LRRFIP2: variants seen among roughly 807,000 people sequenced by gnomAD.
LRRFIP2 encodes the protein leucine-rich repeat flightless-interacting protein 2.
In LRRFIP2, 109 loss-of-function variants were observed where a neutral mutation model predicts 125.9. The observed-to-expected ratio is 0.87, with a 90% CI of 0.74 to 1.01. The LOEUF (loss-of-function observed/expected upper bound fraction) is 1.01, where lower values mean the gene tolerates loss of function less well. Among genes scored for constraint, LRRFIP2 ranks in the 50% least tolerant of loss-of-function variants. The pLI is 0.00. For synonymous variants in LRRFIP2, 291 were observed against 293.1 expected, an observed-to-expected ratio of 0.99 and a Z score of 0.07; for missense variants, 850 against 862.3, an observed-to-expected ratio of 0.99 and a Z score of 0.18.
At position 37,161,179 on chromosome 3, in the gene LRRFIP2, T is replaced by TA. The variant is rs60688555; in HGVS notation, c.-55-12142dup. ...GTCAACATGGTGAAACCCCATCTAC[T>TA]AAAAAAAAAAAAAAAAAAAAGCAAA... On this transcript the variant is annotated intron_variant, in intron 1 of 27. Coordinates refer to ENST00000336686, the MANE Select transcript of LRRFIP2 (RefSeq NM_006309.4). Among the ~76,000 whole-genome samples the TA allele has an allele frequency of 3.4e-3, 299 of 88,082 alleles. 1 individual carries two copies. Among genetic ancestry groups the TA allele is most frequent in the East Asian group, 7.7e-3 (19 of 2,462 alleles). 57.8% of individuals were successfully genotyped at this position (88,082 alleles called of 152,430 possible).
At chr3:37,170,616 T>C (rs911763361) in intron 1 of LRRFIP2, 3 of 152,214 alleles carry the variant, frequency 2.0e-5, no homozygotes, top group Non-Finnish European at 4.4e-5. Flanking sequence ...GGTCTCTGAA[T>C]TGGACTGCTA....
chr3:37,151,599 CTTT>C (rs796655140), intron 1 of LRRFIP2, among the ~76,000 whole-genome samples: 1 of 139,330 alleles, frequency 7.2e-6, no homozygotes, highest in Non-Finnish European at 1.6e-5. Context: ...TTTTTTTTTT[CTTT>C]TTTTTTTTTT....
Position 37,125,868 on chromosome 3 carries a change from A to T in LRRFIP2, c.228+1762T>A, listed in dbSNP as rs187925806. 1.8e-4 allele frequency among the ~76,000 whole-genome samples: 27 copies of T among 152,360 alleles called. No homozygotes were observed. In the East Asian group the frequency reaches 4.6e-3, roughly 26 times the overall value. ...TTTGTATTGTAACTATTACATGCCA[A>T]CTTCTCCTTATGGGCTCACAGATAA... On this transcript the variant is annotated intron_variant, in intron 4 of 27. Transcript: ENST00000336686.
intron 25 of LRRFIP2, among the ~76,000 whole-genome samples, 166 bp from the exon 26 acceptor site, chr3:37,055,331 G>A (rs535177770): frequency 3.9e-5 from 6 of 152,240 alleles, no homozygotes; most frequent in South Asian, 2.1e-4. Flanking sequence ...TTGGGAGGCC[G>A]AGGTGGGTGG....
intron 11 of LRRFIP2, 133 bp from the exon 12 acceptor site, chr3:37,108,817 A>G: frequency 1.6e-6 from 1 of 619,424 alleles, no homozygotes. Flanking sequence ...CCAGAATGAA[A>G]ACCCTGAAGG....
chr3:37,134,854 A>C, intron 2 of LRRFIP2: 1 of 1,125,678 alleles, frequency 8.9e-7, no homozygotes, highest in Non-Finnish European at 1.3e-6. Context: ...AAACCACCTA[A>C]GGTTGCATGT....
At chr3:37,104,121 C>CAAT (rs1412362830) in intron 14 of LRRFIP2, among the ~76,000 whole-genome samples, 1 of 151,766 alleles carries the variant, frequency 6.6e-6, no homozygotes, top group Non-Finnish European at 1.5e-5. Context: ...TTTTTATTCA[C>CAAT]AATAATAATA....
intron 18 of LRRFIP2, among the ~76,000 whole-genome samples, chr3:37,089,495 G>C (rs1230663055): frequency 6.6e-6 from 1 of 152,074 alleles, no homozygotes; most frequent in African/African-American, 2.4e-5. Flanking sequence ...ACCATGCTTG[G>C]TCACCAATCA....
intron 19 of LRRFIP2, among the ~76,000 whole-genome samples, chr3:37,080,752 A>G (rs2149008111): frequency 6.6e-6 from 1 of 152,300 alleles, no homozygotes; most frequent in African/African-American, 2.4e-5. Flanking sequence ...TTTCTTCAAC[A>G]TATATATTAT....
At chr3:37,172,505 T>G (rs1223837473) in intron 1 of LRRFIP2, among the ~76,000 whole-genome samples, 3 of 152,228 alleles carry the variant, frequency 2.0e-5, no homozygotes, top group Admixed American at 2.0e-4. Context: ...GAGTTTGTGG[T>G]GGAAAGCAGA....
At chr3:37,075,324 A>C (rs999758967) in intron 19 of LRRFIP2, among the ~76,000 whole-genome samples, 1 of 152,216 alleles carries the variant, frequency 6.6e-6, no homozygotes, top group South Asian at 2.1e-4. Flanking sequence ...AACCTGAACT[A>C]ATCAATGGCA....
At position 37,073,929 on chromosome 3, in the gene LRRFIP2, C is replaced by CAG. The variant is rs2091664620; in HGVS notation, c.1372-1049_1372-1048dup. 4.6e-5 allele frequency among the ~76,000 whole-genome samples: 7 copies of CAG among 152,260 alleles called. No individual in the cohort carries two copies. The South Asian group carries it at 1.5e-3, about 32-fold the overall frequency. ...ATTATTTTAAAATACCAGCAGGATA[C>CAG]AGATTCTGGAAAATATGCTTCCTAC... On this transcript the variant is annotated intron_variant, in intron 20 of 27. Transcript: ENST00000336686.
At chr3:37,107,925 T>C (rs2094404249) in intron 13 of LRRFIP2, 148 bp downstream of exon 13, 1 of 528,924 alleles carries the variant, frequency 1.9e-6, no homozygotes, top group Non-Finnish European at 3.3e-6. Context: ...TTAGGACAAA[T>C]TAGTGCTTGA....
At chr3:37,054,057 C>T (rs1159610410) in intron 27 of LRRFIP2, 96 bp from the exon 28 acceptor site, 1 of 794,264 alleles carries the variant, frequency 1.3e-6, no homozygotes, top group Non-Finnish European at 2.2e-6. Flanking sequence ...GCACTGCTAA[C>T]TGTGATGGCC....
intron 18 of LRRFIP2, among the ~76,000 whole-genome samples, chr3:37,086,446 T>C (rs1364761619): frequency 2.0e-5 from 3 of 152,134 alleles, no homozygotes; most frequent in Non-Finnish European, 4.4e-5. Context: ...GCATTATTCA[T>C]AATAGACAGA....
In LRRFIP2 at chr3:37,091,517, G is replaced by A. The variant is rs1296571407; in HGVS notation, c.1057C>T (p.Gln353Ter). 8.1e-6 allele frequency: 13 copies of A among 1,610,454 alleles called. No individual in the cohort carries two copies. The highest frequency in any genetic ancestry group is 1.3e-5 in the African/African-American group (1 of 74,748). ...ELRDIYDLKD[Q>*]IQDVEGRYMQ... ...TATCTCCCTTCTACATCCTGTATCT[G>A]GTCCTTAAGGTCATAGATATCCTGC... Residue 353 changes from glutamine to a stop codon, truncating the protein, a stop_gained, in exon 18 of 28, where the codon CAG (glutamine) becomes TAG (stop). Coordinates refer to ENST00000336686, the MANE Select transcript of LRRFIP2 (RefSeq NM_006309.4). LOFTEE classifies it high-confidence loss of function.
chr3:37,117,239 T>C (rs1016847336), intron 6 of LRRFIP2, among the ~76,000 whole-genome samples: 4 of 152,130 alleles, frequency 2.6e-5, no homozygotes, highest in African/African-American at 7.2e-5. Context: ...AGTAGCTGTC[T>C]TTCCTCTTAT....
intron 10 of LRRFIP2, 31 bp downstream of exon 10, chr3:37,109,622 A>T (rs758895856): frequency 1.2e-6 from 2 of 1,614,036 alleles, no homozygotes; most frequent in South Asian, 1.1e-5. Flanking sequence ...TGGTAGCTCT[A>T]AAGGCAGAAC....
intron 19 of LRRFIP2, among the ~76,000 whole-genome samples, chr3:37,079,302 A>G (rs2092413822): frequency 6.6e-6 from 1 of 152,240 alleles, no homozygotes; most frequent in African/African-American, 2.4e-5. Context: ...ATGTGGGGAA[A>G]TCAAAACCTG....
Sources: gnomAD v4.1 joint callset for allele counts (sites outside exome capture counted in the v4.1 genomes callset) on GRCh38, gnomAD v4.1.1 for gene constraint, MANE v1.5 for transcripts, NCBI Gene and HGNC (gene_info 2026-07-23, HGNC 2026-07-21) for gene names.